Variants in ZNF618 observed in about 807,000 individuals in gnomAD.
ZNF618 encodes neural precursor cell expressed, developmentally down-regulated 10.
ZNF618 carries 34 observed loss-of-function variants against 103.0 expected under a neutral mutation model. That is an observed-to-expected ratio of 0.33 (90% CI 0.25 to 0.44). The LOEUF (loss-of-function observed/expected upper bound fraction) is 0.44, where lower values mean the gene tolerates loss of function less well. Among genes scored for constraint, ZNF618 ranks in the 20% least tolerant of loss-of-function variants. The pLI is 1.00. For synonymous variants in ZNF618, 551 were observed against 542.2 expected, an observed-to-expected ratio of 1.02 and a Z score of -0.23; for missense variants, 1,059 against 1,295.4, an observed-to-expected ratio of 0.82 and a Z score of 2.80.
chr9:113,901,820 A>G (rs1830579307), intron 1 of ZNF618, among the ~76,000 whole-genome samples: 1 of 151,754 alleles, frequency 6.6e-6, no homozygotes, highest in African/African-American at 2.4e-5. Flanking sequence ...TTTTATTCCA[A>G]ACTCCTGTTC....
At chr9:113,989,007 A>G (rs1279372616) in intron 3 of ZNF618, among the ~76,000 whole-genome samples, 2 of 152,104 alleles carry the variant, frequency 1.3e-5, no homozygotes, top group Admixed American at 6.5e-5. Flanking sequence ...TCAGTGACAG[A>G]TGGCACTTCC....
chr9:114,034,125 C>G lies in ZNF618; in HGVS notation c.1168+1397C>G, dbSNP rs1427707341. Among the ~76,000 whole-genome samples, 5 of 152,180 alleles carry G rather than the reference C, an allele frequency of 3.3e-5. No individual in the cohort carries two copies. In the South Asian group the frequency reaches 1.0e-3, roughly 32 times the overall value. On this transcript the variant is annotated intron_variant, in intron 12 of 14. Coordinates refer to ENST00000374126, the MANE Select transcript of ZNF618 (RefSeq NM_001318042.2). ...GAGTCCCTGGCACAGATTACATACT[C>G]AGGTGTTAGGGTTTTTTGGTGGTGA... is the stretch of plus-strand genomic sequence containing the variant.
At chr9:113,905,760 A>G (rs1447641926) in intron 1 of ZNF618, among the ~76,000 whole-genome samples, 5 of 152,180 alleles carry the variant, frequency 3.3e-5, no homozygotes, top group African/African-American at 1.2e-4. Context: ...CATTCTCCGC[A>G]TGATTCTCTT....
chr9:113,928,080 A>C (rs1485355421), intron 1 of ZNF618, among the ~76,000 whole-genome samples: 1 of 152,194 alleles, frequency 6.6e-6, no homozygotes, highest in Non-Finnish European at 1.5e-5. Flanking sequence ...GTTGGAATGG[A>C]AACCAGAAGT....
At chr9:113,996,780 C>T (rs1047089208) in intron 3 of ZNF618, among the ~76,000 whole-genome samples, 5 of 152,188 alleles carry the variant, frequency 3.3e-5, no homozygotes, top group Non-Finnish European at 7.3e-5. Flanking sequence ...CCTGTGGCAG[C>T]ACCAGACATA....
At chr9:113,920,604 G>C (rs1266831259) in intron 1 of ZNF618, among the ~76,000 whole-genome samples, 2 of 152,106 alleles carry the variant, frequency 1.3e-5, no homozygotes, top group Non-Finnish European at 2.9e-5. Context: ...GTTTCACCAT[G>C]TTGGCCAGAT....
chr9:113,915,004 A>G (rs1831936765), intron 1 of ZNF618, among the ~76,000 whole-genome samples: 1 of 152,238 alleles, frequency 6.6e-6, no homozygotes, highest in Non-Finnish European at 1.5e-5. Context: ...TTAAGGGCAC[A>G]GTTAGCATAA....
intron 1 of ZNF618, among the ~76,000 whole-genome samples, chr9:113,928,276 A>C (rs926160396): frequency 2.0e-5 from 3 of 152,070 alleles, no homozygotes; most frequent in Non-Finnish European, 4.4e-5. Context: ...TCTTTCCTAT[A>C]GTTTCCATCT....
chr9:114,019,458 G>T (rs114667863), intron 10 of ZNF618, among the ~76,000 whole-genome samples: 1 of 152,132 alleles, frequency 6.6e-6, no homozygotes, highest in South Asian at 2.1e-4. Context: ...ACTCCTGCCA[G>T]CTGTGCCTGT....
At chr9:113,972,961 C>T (rs1838123469) in intron 2 of ZNF618, among the ~76,000 whole-genome samples, 1 of 152,070 alleles carries the variant, frequency 6.6e-6, no homozygotes, top group Non-Finnish European at 1.5e-5. Flanking sequence ...CCCAGCTACT[C>T]AGGAGGCTGA....
At chr9:113,931,525 C>A (rs912130071) in intron 1 of ZNF618, among the ~76,000 whole-genome samples, 13 of 152,220 alleles carry the variant, frequency 8.5e-5, no homozygotes, top group East Asian at 5.8e-4. Context: ...GTTGGAATTT[C>A]ATCTTGGGAG....
chr9:113,902,101 G>A (rs1830609017), intron 1 of ZNF618, among the ~76,000 whole-genome samples: 1 of 151,996 alleles, frequency 6.6e-6, no homozygotes, highest in Admixed American at 6.6e-5. Context: ...ACAATCAGAA[G>A]CTGCCTACGT....
At chr9:113,917,887 T>G (rs957763193) in intron 1 of ZNF618, among the ~76,000 whole-genome samples, 1 of 152,204 alleles carries the variant, frequency 6.6e-6, no homozygotes, top group Non-Finnish European at 1.5e-5. Context: ...CAGATTATAC[T>G]ATGAAATTAA....
intron 11 of ZNF618, among the ~76,000 whole-genome samples, chr9:114,031,262 C>CA (rs1844005424): frequency 6.6e-6 from 1 of 152,004 alleles, no homozygotes; most frequent in Non-Finnish European, 1.5e-5. Flanking sequence ...AGACCGAGAA[C>CA]AGAGGGGCCT....
At chr9:113,943,781 CT>C in intron 1 of ZNF618, among the ~76,000 whole-genome samples, 1 of 152,102 alleles carries the variant, frequency 6.6e-6, no homozygotes, top group Non-Finnish European at 1.5e-5. Context: ...CTGAGGTTCC[CT>C]GCCCTGGCCT....
At chr9:113,978,128 G>T (rs1450643286) in intron 2 of ZNF618, among the ~76,000 whole-genome samples, 1 of 152,138 alleles carries the variant, frequency 6.6e-6, no homozygotes, top group Non-Finnish European at 1.5e-5. Flanking sequence ...AAATATATCA[G>T]TGATACATGA....
chr9:114,041,831 T>A (rs918971409), intron 13 of ZNF618, among the ~76,000 whole-genome samples: 6 of 152,196 alleles, frequency 3.9e-5, no homozygotes, highest in African/African-American at 1.4e-4. Context: ...TGGTTCTATA[T>A]AAACTTTAAA....
At chr9:113,995,913 CA>C (rs1164840409) in intron 3 of ZNF618, among the ~76,000 whole-genome samples, 1 of 152,138 alleles carries the variant, frequency 6.6e-6, no homozygotes, top group African/African-American at 2.4e-5. Flanking sequence ...TAACGTGGCA[CA>C]AGGGTGAAGG....
chr9:114,016,077 A>G (rs768455346), intron 9 of ZNF618: 8 of 1,534,088 alleles, frequency 5.2e-6, no homozygotes, highest in South Asian at 2.2e-5. Context: ...TTTATTCTGT[A>G]TTTGTATTTA....
Sources: gnomAD v4.1 joint callset for allele counts (sites outside exome capture counted in the v4.1 genomes callset) on GRCh38, gnomAD v4.1.1 for gene constraint, MANE v1.5 for transcripts, NCBI Gene and HGNC (gene_info 2026-07-23, HGNC 2026-07-21) for gene names.